The following ZNF292 variants were observed in gnomAD, a reference collection of about 807,000 sequenced individuals.
ZNF292 encodes the protein 16 zinc-finger domain protein.
In ZNF292, 26 loss-of-function variants were observed where a neutral mutation model predicts 217.9. The ratio of observed to expected loss-of-function variants is 0.12; its 90% confidence interval spans 0.09 to 0.17. The LOEUF is 0.17. Among genes scored for constraint, ZNF292 ranks in the 10% least tolerant of loss-of-function variants. The probability of loss-of-function intolerance (pLI) is 1.00; values close to 1 mark genes in which losing one functional copy is unlikely to be tolerated. For synonymous variants in ZNF292, 1,257 were observed against 1,124.1 expected (o/e 1.12, Z -2.37); for missense variants, 2,904 against 3,175.2 (o/e 0.91, Z 2.05).
chr6:87,257,678 G>T lies in ZNF292; in HGVS notation c.4049G>T (p.Gly1350Val), dbSNP rs200709310. 6.2e-7 allele frequency: 1 copy of T among 1,611,730 alleles called. No individual in the cohort carries two copies. ...PEKVKKDRGR[G>V]PNGKERKPKH... ...AAAGTTAAAAAAGACCGTGGGCGGG[G>T]CCCAAATGGGAAGGAAAGAAAACCT... The change falls in exon 8 of 8, where the codon GGC (glycine) becomes GTC (valine). Residue 1350 changes from glycine (G) to valine (V), a missense_variant. Physicochemically the swap from Gly to Val is moderately radical, Grantham distance 109. Coordinates refer to ENST00000369577, the MANE Select transcript of ZNF292 (RefSeq NM_015021.3).
At chr6:87,253,982 T>C (rs1314957014) in intron 7 of ZNF292, among the ~76,000 whole-genome samples, 1 of 152,250 alleles carries the variant, frequency 6.6e-6, no homozygotes, top group Non-Finnish European at 1.5e-5. Flanking sequence ...AAAAAGTTTG[T>C]TGGGCTATGT....
chr6:87,216,102 TACATAGACACACACACACACAC>T (rs747492071), intron 2 of ZNF292, 45 bp downstream of exon 2: 35,452 of 1,208,856 alleles, frequency 0.029, 1,734 homozygotes, highest in Non-Finnish European at 0.031. Context: ...GCTTTAAAAA[TACATAGACACACACACACACAC>T]ACACACACAC....
intron 1 of ZNF292, among the ~76,000 whole-genome samples, chr6:87,191,243 G>A (rs1291670071): frequency 6.6e-6 from 1 of 151,660 alleles, no homozygotes; most frequent in Non-Finnish European, 1.5e-5. Flanking sequence ...ATTGTCTTGA[G>A]CCACACATAA....
chr6:87,259,102 A>T lies in ZNF292; in HGVS notation c.5473A>T (p.Ile1825Phe), dbSNP rs1293343894. The T allele has an allele frequency of 6.2e-7, 1 of 1,613,320 alleles. No homozygotes were observed. The highest frequency in any genetic ancestry group is 1.3e-5 in the African/African-American group (1 of 75,012). Residue 1825 changes from isoleucine (I) to phenylalanine (F), a missense_variant, in exon 8 of 8, where the codon ATT (isoleucine) becomes TTT (phenylalanine). Ile to Phe is a conservative substitution (Grantham distance 21, BLOSUM62 0). Transcript: ENST00000369577. ...AAGTGTCATGCCAACAAAAAGTAAC[A>T]TTCCTCAGTCTGAAGTATCACATAA... The part of the protein sequence containing the change: ...FISVMPTKSN[I>F]PQSEVSHKED...
chr6:87,180,333 G>A (rs144468981), intron 1 of ZNF292, among the ~76,000 whole-genome samples: 4 of 152,336 alleles, frequency 2.6e-5, no homozygotes, highest in Non-Finnish European at 4.4e-5. Context: ...GCACAAGGGC[G>A]GGCTTATGGT....
chr6:87,230,557 C>A (rs771566066), intron 4 of ZNF292, among the ~76,000 whole-genome samples: 25 of 151,972 alleles, frequency 1.6e-4, no homozygotes, highest in Non-Finnish European at 3.4e-4. Flanking sequence ...CACGGTGAAA[C>A]CCCATCTCTA....
At chr6:87,248,010 T>C (rs1274626245) in intron 7 of ZNF292, among the ~76,000 whole-genome samples, 1 of 152,190 alleles carries the variant, frequency 6.6e-6, no homozygotes, top group Admixed American at 6.5e-5. Flanking sequence ...TACTATTAAG[T>C]ATTAATAAAT....
In ZNF292 at chr6:87,259,467, C is replaced by G. The variant is rs140100853; in HGVS notation, c.5838C>G (p.Pro1946=). 9.4e-6 allele frequency: 15 copies of G among 1,588,526 alleles called. No homozygotes were observed. Among genetic ancestry groups the G allele is most frequent in the Admixed American group, 1.8e-5 (1 of 55,976 alleles). Residue 1946 remains proline (P), a synonymous_variant, in exon 8 of 8, where the codon CCC becomes CCG. Transcript: ENST00000369577. ...AGAAGAATCAATTGAAATTTGCTCC[C>G]TTTAAATGTGTAGTACCTACATGTA... is the stretch of plus-strand genomic sequence containing the variant. ...EIKKNQLKFA[P]FKCVVPTCTK...
intron 6 of ZNF292, among the ~76,000 whole-genome samples, chr6:87,244,677 A>G (rs776750795): frequency 2.0e-5 from 3 of 152,194 alleles, no homozygotes; most frequent in South Asian, 2.1e-4. Flanking sequence ...ATCAACTGGG[A>G]AATTACTGTG....
In ZNF292 at chr6:87,265,089, TTCTCTCTC is replaced by T. The variant is rs72098361; in HGVS notation, c.*3300_*3307del. On this transcript the variant is annotated 3_prime_UTR_variant, in exon 8 of 8. Transcript: ENST00000369577. ...AAGTTTTCTAAATTGTGTGCTGTAG[TTCTCTCTC>T]TCTCTCTCTCTTTTTTTTTCTTTGT... is the stretch of plus-strand genomic sequence containing the variant. Among the ~76,000 whole-genome samples, 1 of 151,426 alleles carries T rather than the reference TTCTCTCTC, an allele frequency of 6.6e-6. No homozygotes were observed. The highest frequency in any genetic ancestry group is 2.4e-5 in the African/African-American group (1 of 41,250).
intron 1 of ZNF292, among the ~76,000 whole-genome samples, chr6:87,181,927 G>A (rs918268556): frequency 2.6e-5 from 4 of 151,974 alleles, no homozygotes; most frequent in African/African-American, 4.8e-5. Context: ...CAGGTGATCC[G>A]CCCATCTCGG....
At chr6:87,227,440 T>TAA (rs57780770) in intron 4 of ZNF292, among the ~76,000 whole-genome samples, 8 of 151,238 alleles carry the variant, frequency 5.3e-5, no homozygotes, top group African/African-American at 1.7e-4. Flanking sequence ...TTAATTGTGG[T>TAA]AAAAAAAAAC....
intron 1 of ZNF292, among the ~76,000 whole-genome samples, chr6:87,184,668 G>A (rs1193074635): frequency 6.6e-6 from 1 of 152,128 alleles, no homozygotes; most frequent in Non-Finnish European, 1.5e-5. Flanking sequence ...AGATTCTGGT[G>A]GCTGAGGAGT....
At chr6:87,236,392 T>TG (rs1320509774) in intron 5 of ZNF292, among the ~76,000 whole-genome samples, 2 of 135,678 alleles carry the variant, frequency 1.5e-5, no homozygotes, top group African/African-American at 5.2e-5. Context: ...ATAGGTTGTT[T>TG]TTTTTTTTTT....
chr6:87,226,375 T>C (rs1416725349), intron 4 of ZNF292, among the ~76,000 whole-genome samples: 1 of 152,072 alleles, frequency 6.6e-6, no homozygotes, highest in Non-Finnish European at 1.5e-5. Flanking sequence ...TTGCTAGATA[T>C]TAGCATACCT....
At position 87,215,909 on chromosome 6, in the gene ZNF292, C is replaced by T; in HGVS notation, c.175C>T (p.Leu59=). 6.3e-7 allele frequency: 1 copy of T among 1,597,576 alleles called. No individual in the cohort carries two copies. Among genetic ancestry groups the T allele is most frequent in the Non-Finnish European group, 8.5e-7 (1 of 1,174,366 alleles). ...ATTATTCCTTCCAAAACAGACACTCCTAGAATATGCAGAGAAATGGAAAAC... is the reference window on the plus strand; with the variant it reads ...ATTATTCCTTCCAAAACAGACACTCTTAGAATATGCAGAGAAATGGAAAAC... ...DYCQQLCQTL[L]EYAEKWKTSE... is the part of the protein sequence containing the mutation. Residue 59 remains leucine (L), a synonymous_variant, in exon 2 of 8, where the codon CTA becomes TTA. Transcript: ENST00000369577.
chr6:87,246,203 C>G (rs917998453), intron 7 of ZNF292, among the ~76,000 whole-genome samples: 2 of 152,108 alleles, frequency 1.3e-5, no homozygotes, highest in Non-Finnish European at 2.9e-5. Flanking sequence ...TGCACTCGAG[C>G]CTGGGCAACA....
intron 1 of ZNF292, among the ~76,000 whole-genome samples, chr6:87,186,714 AG>A (rs1297451387): frequency 6.6e-6 from 1 of 152,194 alleles, no homozygotes; most frequent in Non-Finnish European, 1.5e-5. Context: ...ACAGCACTAC[AG>A]CCTGGGCGAT....
Position 87,261,730 on chromosome 6 carries a change from T to G in ZNF292, c.8101T>G (p.Ser2701Ala), listed in dbSNP as rs1170309246. The part of the protein sequence containing the change: ...TVSLKKLEVH[S>A]NDPDMSVMKD... ...CAGTCTGAAAAAACTTGAAGTACATTCAAATGATCCAGATATGTCTGTTAT... is the reference window on the plus strand; with the variant it reads ...CAGTCTGAAAAAACTTGAAGTACATGCAAATGATCCAGATATGTCTGTTAT... The change falls in exon 8 of 8, where the codon TCA becomes GCA. Residue 2701 changes from serine to alanine, a missense_variant. Ser to Ala is a moderately conservative substitution (Grantham distance 99). Coordinates refer to ENST00000369577, the MANE Select transcript of ZNF292 (RefSeq NM_015021.3). 6.2e-7 allele frequency: 1 copy of G among 1,613,062 alleles called. No homozygotes were observed.
Sources: gnomAD v4.1 joint callset for allele counts (sites outside exome capture counted in the v4.1 genomes callset) on GRCh38, gnomAD v4.1.1 for gene constraint, MANE v1.5 for transcripts, NCBI Gene and HGNC (gene_info 2026-07-23, HGNC 2026-07-21) for gene names.